PCDHA3: variants seen among roughly 807,000 people sequenced by gnomAD.
PCDHA3 encodes the protein protocadherin alpha 3.
Under a neutral mutation model 62.2 loss-of-function variants are expected in PCDHA3, and 41 were observed. That is an observed-to-expected ratio of 0.66 (90% CI 0.51 to 0.86). The LOEUF is 0.86. Ranked by LOEUF, PCDHA3 falls within the 40% of genes least tolerant of loss-of-function variation. The pLI, the probability that PCDHA3 is intolerant of heterozygous loss-of-function variation, is 0.00. For missense variants in PCDHA3, 1,304 were observed against 1,241.2 expected, an observed-to-expected ratio of 1.05 and a Z score of -0.76; for synonymous variants, 640 against 555.4, an observed-to-expected ratio of 1.15 and a Z score of -2.14.
intron 1 of PCDHA3, among the ~76,000 whole-genome samples, chr5:140,885,076 A>G (rs1032982957): frequency 1.3e-5 from 2 of 152,226 alleles, no homozygotes; most frequent in African/African-American, 4.8e-5. Context: ...ATTATTTTAA[A>G]GAGCCCCATA....
chr5:140,908,836 T>C (rs1206116511), intron 1 of PCDHA3, among the ~76,000 whole-genome samples: 4 of 152,200 alleles, frequency 2.6e-5, no homozygotes, highest in African/African-American at 9.7e-5. Flanking sequence ...ATAAATGGGC[T>C]GGAGTAACAT....
intron 1 of PCDHA3, among the ~76,000 whole-genome samples, chr5:140,837,376 A>G (rs1191040233): frequency 6.6e-6 from 1 of 151,912 alleles, no homozygotes; most frequent in Non-Finnish European, 1.5e-5. Context: ...AGTATTTTTT[A>G]TTTTGTTCCT....
At chr5:140,829,328 C>T (rs782173510) in intron 1 of PCDHA3, 18 of 1,614,244 alleles carry the variant, frequency 1.1e-5, no homozygotes, top group African/African-American at 1.3e-5. Flanking sequence ...GGACAGTGCC[C>T]TGGACCGCGA....
chr5:140,942,359 C>T (rs943225700), intron 1 of PCDHA3, among the ~76,000 whole-genome samples: 5 of 151,564 alleles, frequency 3.3e-5, no homozygotes, highest in Non-Finnish European at 5.9e-5. Flanking sequence ...TTGCAGTTAA[C>T]GGAGATTGCA....
chr5:141,008,941 G>T, intron 3 of PCDHA3, among the ~76,000 whole-genome samples: 1 of 152,140 alleles, frequency 6.6e-6, no homozygotes, highest in East Asian at 1.9e-4. Context: ...TCTTGTTTTG[G>T]ACAAAATAGA....
chr5:140,808,943 G>A (rs1554124908), intron 1 of PCDHA3: 4 of 1,613,730 alleles, frequency 2.5e-6, no homozygotes, highest in East Asian at 2.2e-5. Context: ...ATGGTCGGTG[G>A]GTGTGGGCCA....
intron 1 of PCDHA3, chr5:140,870,939 G>C (rs555504652): frequency 6.2e-7 from 1 of 1,613,732 alleles, no homozygotes; most frequent in South Asian, 1.1e-5. Flanking sequence ...AATTGCAGCC[G>C]GCGGCGGGCG....
chr5:140,836,384 GTC>G (rs2150259463), intron 1 of PCDHA3: 11 of 1,613,636 alleles, frequency 6.8e-6, no homozygotes, highest in Non-Finnish European at 9.3e-6. Flanking sequence ...CCGTGCTGGT[GTC>G]GCTGGTGGAA....
intron 1 of PCDHA3, chr5:140,969,505 A>G (rs973647679): frequency 1.4e-6 from 2 of 1,428,552 alleles, no homozygotes; most frequent in South Asian, 3.0e-5. Context: ...CTAGAAAAAT[A>G]GCACTAAAGA....
chr5:140,981,690 A>C (rs1410954672), intron 2 of PCDHA3, among the ~76,000 whole-genome samples: 1 of 150,712 alleles, frequency 6.6e-6, no homozygotes, highest in Non-Finnish European at 1.5e-5. Flanking sequence ...CCCTTCCATC[A>C]TTCATTCATT....
chr5:140,930,329 A>C (rs868965676), intron 1 of PCDHA3: 1 of 152,198 alleles, frequency 6.6e-6, no homozygotes, highest in African/African-American at 2.4e-5. Context: ...AATGTATCTA[A>C]TGAAAGTTAA....
At chr5:140,929,122 G>A (rs782041922) in intron 1 of PCDHA3, 24 of 1,614,096 alleles carry the variant, frequency 1.5e-5, no homozygotes, top group Non-Finnish European at 1.8e-5. Flanking sequence ...CACCATAGAT[G>A]TCACTACAGT....
intron 1 of PCDHA3, chr5:140,836,221 C>A (rs2150255716): frequency 1.2e-6 from 2 of 1,613,684 alleles, no homozygotes; most frequent in Non-Finnish European, 1.7e-6. Context: ...GAGTTGCAAC[C>A]GGTGGCGGCC....
At chr5:140,842,727 C>G (rs1554139317) in intron 1 of PCDHA3, 1 of 1,594,926 alleles carries the variant, frequency 6.3e-7, no homozygotes, top group East Asian at 2.2e-5. Context: ...GAGAACAACC[C>G]GCCGGGCTGC....
chr5:140,875,952 G>A (rs782164384), intron 1 of PCDHA3: 2 of 1,614,102 alleles, frequency 1.2e-6, no homozygotes, highest in South Asian at 2.2e-5. Flanking sequence ...CTTCTGATGC[G>A]GATATCGGCG....
intron 1 of PCDHA3, chr5:140,807,563 A>G: frequency 1.2e-6 from 2 of 1,614,194 alleles, no homozygotes; most frequent in South Asian, 1.1e-5. Flanking sequence ...GGTGAGGGAC[A>G]TTAACGATAA....
rs149711844 is a variant in PCDHA3 at position 140,884,286 on chromosome 5, G to T, written c.2394+80695G>T. On this transcript the variant is annotated intron_variant, in intron 1 of 3. Coordinates refer to ENST00000522353, the MANE Select transcript of PCDHA3 (RefSeq NM_018906.3). ...GTGCTGTTGTCGCTGGTGGAGAGCG[G>T]CCAAGCGCCACAGGCTTCGTCGAGG... 1.6e-4 allele frequency: 258 copies of T among 1,613,626 alleles called. No individual in the cohort carries two copies. The highest frequency in any genetic ancestry group is 2.1e-4 in the Non-Finnish European group (242 of 1,179,820).
chr5:140,813,608 T>C (rs1316061807), intron 1 of PCDHA3: 2 of 152,208 alleles, frequency 1.3e-5, no homozygotes, highest in African/African-American at 4.8e-5. Context: ...AATGAGTGAA[T>C]GGTGAGTGAA....
At chr5:141,002,174 C>T (rs2098063920) in intron 3 of PCDHA3, among the ~76,000 whole-genome samples, 1 of 152,224 alleles carries the variant, frequency 6.6e-6, no homozygotes, top group Non-Finnish European at 1.5e-5. Context: ...AGGCAGGCTC[C>T]AGAGTGCTGT....
Sources: gnomAD v4.1 joint callset for allele counts (sites outside exome capture counted in the v4.1 genomes callset) on GRCh38, gnomAD v4.1.1 for gene constraint, MANE v1.5 for transcripts, NCBI Gene and HGNC (gene_info 2026-07-23, HGNC 2026-07-21) for gene names.